SCN2A: variants seen among roughly 807,000 people sequenced by gnomAD.
SCN2A encodes sodium channel protein type 2 subunit alpha.
SCN2A carries 20 observed loss-of-function variants against 188.7 expected under a neutral mutation model. The ratio of observed to expected loss-of-function variants is 0.11; its 90% CI spans 0.07 to 0.15. The LOEUF (loss-of-function observed/expected upper bound fraction) is 0.15, where lower values mean the gene tolerates loss of function less well. Among genes scored for constraint, SCN2A ranks in the 10% least tolerant of loss-of-function variants. The pLI, the probability that SCN2A is intolerant of heterozygous loss-of-function variation, is 1.00. For missense variants in SCN2A, 1,278 were observed against 2,445.0 expected (o/e 0.52, Z 10.07); for synonymous variants, 804 against 833.1 (o/e 0.97, Z 0.60).
Position 165,342,352 on chromosome 2 carries a change from A to G in SCN2A, c.2445A>G (p.Pro815=). ...EMFLKIIAMD[P]YYYFQEGWNI... Reference sequence around the variant, plus strand: ...TTCTCAAGATAATTGCCATGGATCCATATTATTACTTTCAAGAAGGCTGGA... The same window carrying G: ...TTCTCAAGATAATTGCCATGGATCCGTATTATTACTTTCAAGAAGGCTGGA... Residue 815 remains proline, a synonymous_variant, in exon 15 of 27, where the codon CCA becomes CCG. Transcript: ENST00000375437. The G allele has an allele frequency of 1.9e-6, 3 of 1,614,002 alleles. No individual in the cohort carries two copies. The highest frequency in any genetic ancestry group is 2.5e-6 in the Non-Finnish European group (3 of 1,179,930).
chr2:165,268,982 C>T (rs1694992477), intron 1 of SCN2A: 1 of 151,838 alleles, frequency 6.6e-6, no homozygotes, highest in Non-Finnish European at 1.5e-5. Flanking sequence ...TTACCAGGGG[C>T]TACTGGGTAG....
At chr2:165,240,847 TG>T (rs1304109732) in intron 1 of SCN2A, among the ~76,000 whole-genome samples, 2 of 152,172 alleles carry the variant, frequency 1.3e-5, no homozygotes, top group African/African-American at 4.8e-5. Context: ...GAAAAAAACA[TG>T]TTTTTTAAAT....
rs1700075448 is a variant in SCN2A, at chr2:165,354,346, T to C, written c.3074T>C (p.Ile1025Thr). 1 of 1,614,114 alleles carries C rather than the reference T, an allele frequency of 6.2e-7. No homozygotes were observed. Among genetic ancestry groups the C allele is most frequent in the Non-Finnish European group, 8.5e-7 (1 of 1,179,994 alleles). Residue 1025 changes from isoleucine (I) to threonine (T), a missense_variant, in exon 17 of 27, where the codon ATT becomes ACT. By Grantham distance (89) the Ile-to-Thr change is moderately conservative. Around this residue, in one of 17 missense-constraint regions of SCN2A, gnomAD observed 228 missense variants for 297.3 expected, o/e 0.77. Transcript: ENST00000375437. The stretch of plus-strand genomic sequence containing the variant: ...GTTAAAAGAAAAATACGTGAATTTA[T>C]TCAGAAAGCCTTTGTTAGGAAGCAG... ...DFVKRKIREF[I>T]QKAFVRKQKA...
chr2:165,307,883 C>T lies in SCN2A; in HGVS notation c.422C>T (p.Thr141Ile), dbSNP rs1553567082. 1 of 1,611,278 alleles carries T rather than the reference C, an allele frequency of 6.2e-7. No homozygotes were observed. Among genetic ancestry groups the T allele is most frequent in the Non-Finnish European group, 8.5e-7 (1 of 1,177,630 alleles). The change falls in exon 4 of 27, where the codon ACC becomes ATC. Residue 141 changes from threonine (T) to isoleucine (I), a missense_variant. This residue lies in a region of SCN2A where 141 missense variants were observed against 185.4 expected (regional missense o/e 0.76). Transcript: ENST00000375437. ...FNMLIMCTILTNCVFMTMSNP... is the reference protein window; with the variant it reads ...FNMLIMCTILINCVFMTMSNP... The stretch of plus-strand genomic sequence containing the variant: ...ATGCTCATTATGTGCACGATTCTTA[C>T]CAACTGTGTATTTATGACCATGAGT...
intron 1 of SCN2A, among the ~76,000 whole-genome samples, chr2:165,240,337 T>C (rs566706705): frequency 1.3e-5 from 2 of 152,270 alleles, no homozygotes; most frequent in East Asian, 3.9e-4. Context: ...ACCGTGGCCA[T>C]TTTAAATAGT....
At chr2:165,246,468 C>G (rs1693851451) in intron 1 of SCN2A, among the ~76,000 whole-genome samples, 1 of 152,114 alleles carries the variant, frequency 6.6e-6, no homozygotes, top group Admixed American at 6.5e-5. Flanking sequence ...TCCTACACCA[C>G]CTTTCTAGCG....
chr2:165,319,656 C>T (rs1326637572), intron 11 of SCN2A, among the ~76,000 whole-genome samples: 1 of 152,128 alleles, frequency 6.6e-6, no homozygotes, highest in Non-Finnish European at 1.5e-5. Context: ...CCACACCTTA[C>T]ATGGATGGTG....
intron 17 of SCN2A, among the ~76,000 whole-genome samples, chr2:165,360,489 A>G (rs1700405764): frequency 6.6e-6 from 1 of 151,944 alleles, no homozygotes; most frequent in Non-Finnish European, 1.5e-5. Context: ...TCCAGCATAT[A>G]AAAGAATCAC....
intron 14 of SCN2A, 30 bp from the exon 15 acceptor site, chr2:165,342,266 C>T (rs1259883643): frequency 1.9e-6 from 3 of 1,584,384 alleles, no homozygotes; most frequent in Non-Finnish European, 2.6e-6. Context: ...AGAGTATTTG[C>T]TCATATAATG....
chr2:165,331,598 T>C (rs576481386), intron 14 of SCN2A, 30 bp downstream of exon 14: 3 of 1,521,388 alleles, frequency 2.0e-6, no homozygotes, highest in South Asian at 2.2e-5. Context: ...TCTCTTCCTC[T>C]TGAAAGAGTT....
intron 1 of SCN2A, among the ~76,000 whole-genome samples, chr2:165,287,514 G>GTT (rs34233499): frequency 2.5e-4 from 37 of 146,084 alleles, no homozygotes; most frequent in East Asian, 8.0e-4. Flanking sequence ...AGGTTCAGGT[G>GTT]TTTTTTTTTT....
At chr2:165,276,145 C>CT (rs1695332346) in intron 1 of SCN2A, among the ~76,000 whole-genome samples, 3 of 152,176 alleles carry the variant, frequency 2.0e-5, no homozygotes, top group African/African-American at 7.2e-5. Context: ...AAATTACTGC[C>CT]TTTTTTTGTT....
At chr2:165,269,938 A>T (rs937547159) in intron 1 of SCN2A, 1 of 151,856 alleles carries the variant, frequency 6.6e-6, no homozygotes, top group East Asian at 1.9e-4. Flanking sequence ...GAATTTTTCA[A>T]TCCCAATTCT....
At chr2:165,247,238 T>A (rs1693886413) in intron 1 of SCN2A, among the ~76,000 whole-genome samples, 1 of 152,242 alleles carries the variant, frequency 6.6e-6, no homozygotes, top group Non-Finnish European at 1.5e-5. Context: ...ACAAGCATTT[T>A]ATTATTGCTC....
intron 3 of SCN2A, among the ~76,000 whole-genome samples, chr2:165,305,459 A>G (rs1489081399): frequency 6.6e-6 from 1 of 152,198 alleles, no homozygotes; most frequent in African/African-American, 2.4e-5. Context: ...GATGGACTAC[A>G]CTAGGATGAG....
At chr2:165,338,685 A>G (rs979020430) in intron 14 of SCN2A, among the ~76,000 whole-genome samples, 53 of 152,228 alleles carry the variant, frequency 3.5e-4, no homozygotes, top group African/African-American at 1.1e-3. Flanking sequence ...GCAATAGAGA[A>G]AAAAGTAATA....
chr2:165,354,812 G>T, intron 17 of SCN2A, 141 bp downstream of exon 17: 1 of 824,478 alleles, frequency 1.2e-6, no homozygotes, highest in Non-Finnish European at 1.9e-6. Flanking sequence ...CCATGGAAAA[G>T]TTGGTAATAA....
rs367833365 is a variant in SCN2A, at chr2:165,389,510, C to T, written c.5704C>T (p.Arg1902Cys). 8.0e-5 allele frequency: 129 copies of T among 1,613,686 alleles called. 2 individuals are homozygous for T. Among genetic ancestry groups the T allele is most frequent in the African/African-American group, 1.2e-4 (9 of 74,842 alleles). ...SYEPITTTLK[R>C]KQEEVSAIII... Reference sequence around the variant, plus strand: ...TGAGCCCATTACGACCACGTTGAAACGCAAACAAGAGGAGGTGTCTGCTAT... The same window carrying T: ...TGAGCCCATTACGACCACGTTGAAATGCAAACAAGAGGAGGTGTCTGCTAT... Residue 1902 changes from arginine (R) to cysteine (C), a missense_variant, in exon 27 of 27, where the codon CGC (arginine) becomes TGC (cysteine). By Grantham distance (180) the Arg-to-Cys change is radical. This residue lies in a region of SCN2A where 109 missense variants were observed against 137.9 expected (regional missense o/e 0.79). Transcript: ENST00000375437. This position sits in a 1 kb window ranked among gnomAD's most constrained non-coding sequence, Gnocchi z 4.2.
At chr2:165,380,756 C>G in intron 24 of SCN2A, 27 bp downstream of exon 24, 2 of 1,521,410 alleles carry the variant, frequency 1.3e-6, no homozygotes, top group Non-Finnish European at 1.8e-6. Context: ...TTCATCCTTG[C>G]TCTGAAATAT....
Sources: allele counts gnomAD v4.1 joint callset (sites outside exome capture counted in the v4.1 genomes callset), GRCh38; gene constraint gnomAD v4.1.1; regional missense constraint gnomAD v4.1.1; non-coding constraint Gnocchi (gnomAD v3.1); transcripts MANE v1.5; gene names NCBI Gene and HGNC (gene_info 2026-07-23, HGNC 2026-07-21).